The following NCALD variants were observed in gnomAD, a reference collection of about 807,000 sequenced individuals.
The protein encoded by NCALD is neurocalcin-delta.
NCALD carries 10 observed loss-of-function variants against 18.6 expected under a neutral mutation model. The ratio of observed to expected loss-of-function variants is 0.54; its 90% confidence interval spans 0.33 to 0.91. The LOEUF is 0.91. Among genes scored for constraint, NCALD ranks in the 40% least tolerant of loss-of-function variants. The pLI, the probability that NCALD is intolerant of heterozygous loss-of-function variation, is 0.03. For synonymous variants in NCALD, 88 were observed against 87.4 expected, an observed-to-expected ratio of 1.01 and a Z score of -0.04; for missense variants, 184 against 247.6, an observed-to-expected ratio of 0.74 and a Z score of 1.72.
At chr8:101,962,408 AAAGCC>A (rs1465304517) in intron 2 of NCALD, among the ~76,000 whole-genome samples, 15 of 152,210 alleles carry the variant, frequency 9.9e-5, no homozygotes, top group African/African-American at 3.1e-4. Context: ...TTGATTTGCT[AAAGCC>A]ATTCAAGCCA....
chr8:101,714,826 C>T (rs1434320015), intron 2 of NCALD, among the ~76,000 whole-genome samples: 1 of 150,584 alleles, frequency 6.6e-6, no homozygotes, highest in African/African-American at 2.5e-5. Flanking sequence ...GAAACCCCAT[C>T]TCTACTAAAA....
intron 4 of NCALD, among the ~76,000 whole-genome samples, chr8:101,832,935 C>A (rs189405749): frequency 6.6e-6 from 1 of 152,178 alleles, no homozygotes; most frequent in African/African-American, 2.4e-5. Flanking sequence ...TAGAAAAGTA[C>A]CCACAGTAGA....
At chr8:101,690,742 T>C (rs1814688393) in intron 3 of NCALD, 20 of 985,494 alleles carry the variant, frequency 2.0e-5, no homozygotes, top group Non-Finnish European at 2.0e-5. Context: ...CTCCAAGCTC[T>C]GTGTGCTGGC....
At chr8:101,777,031 C>A (rs554369144) in intron 1 of NCALD, among the ~76,000 whole-genome samples, 20 of 152,200 alleles carry the variant, frequency 1.3e-4, no homozygotes, top group Admixed American at 7.2e-4. Flanking sequence ...CAGTCTCCCC[C>A]CAAAAGACAT....
chr8:101,996,816 T>A (rs933817231), intron 2 of NCALD, among the ~76,000 whole-genome samples: 9 of 152,204 alleles, frequency 5.9e-5, no homozygotes, highest in African/African-American at 2.2e-4. Flanking sequence ...TGGAAAATAA[T>A]CCTGACACAG....
intron 1 of NCALD, among the ~76,000 whole-genome samples, chr8:102,061,453 C>G (rs921255529): frequency 3.9e-5 from 6 of 152,104 alleles, no homozygotes; most frequent in Non-Finnish European, 8.8e-5. Flanking sequence ...TTTCAAACCG[C>G]CTGCTGTTTG....
intron 4 of NCALD, among the ~76,000 whole-genome samples, chr8:101,830,942 A>C (rs1419174728): frequency 6.6e-6 from 1 of 152,006 alleles, no homozygotes; most frequent in African/African-American, 2.4e-5. Flanking sequence ...AGTGAAGGGC[A>C]ACATGAGACA....
At chr8:102,003,047 C>A (rs200478207) in intron 2 of NCALD, among the ~76,000 whole-genome samples, 44 of 151,674 alleles carry the variant, frequency 2.9e-4, no homozygotes, top group African/African-American at 9.7e-4. Context: ...CTGAAGGAAA[C>A]AGAGACACAA....
intron 2 of NCALD, among the ~76,000 whole-genome samples, chr8:102,010,051 A>T (rs1234773541): frequency 1.3e-5 from 2 of 152,196 alleles, no homozygotes; most frequent in Non-Finnish European, 2.9e-5. Flanking sequence ...TCCTGATAAG[A>T]TAAGTAAGCA....
At chr8:101,968,370 T>A (rs1301434158) in intron 2 of NCALD, among the ~76,000 whole-genome samples, 1 of 152,178 alleles carries the variant, frequency 6.6e-6, no homozygotes. Flanking sequence ...TTAAAGCAAC[T>A]TTTCCAGATC....
intron 2 of NCALD, among the ~76,000 whole-genome samples, chr8:101,981,758 T>C (rs1820626533): frequency 6.9e-6 from 1 of 144,708 alleles, no homozygotes; most frequent in Non-Finnish European, 1.5e-5. Context: ...TGAACATTTC[T>C]TTTTCTAAAC....
intron 4 of NCALD, among the ~76,000 whole-genome samples, chr8:101,802,899 C>A (rs370039877): frequency 2.7e-3 from 273 of 99,480 alleles, no homozygotes; most frequent in South Asian, 5.4e-3. Context: ...TGCTGCTGCT[C>A]AAAAAAAAAA....
intron 1 of NCALD, among the ~76,000 whole-genome samples, chr8:101,787,551 G>A (rs1040418329): frequency 6.6e-6 from 1 of 152,156 alleles, no homozygotes; most frequent in Non-Finnish European, 1.5e-5. Flanking sequence ...GCAAAGTTAC[G>A]CTGTTGGTTT....
At chr8:102,014,198 G>A (rs1822001558) in intron 2 of NCALD, among the ~76,000 whole-genome samples, 1 of 152,204 alleles carries the variant, frequency 6.6e-6, no homozygotes. Flanking sequence ...ATTGCTCACA[G>A]TTCTGGAGGC....
intron 4 of NCALD, among the ~76,000 whole-genome samples, chr8:101,848,830 A>T (rs1187043637): frequency 6.6e-6 from 1 of 152,144 alleles, no homozygotes; most frequent in African/African-American, 2.4e-5. Context: ...AGAATTTGGT[A>T]TCTGTTTGAC....
At chr8:101,966,600 T>A (rs992554161) in intron 2 of NCALD, among the ~76,000 whole-genome samples, 1 of 151,906 alleles carries the variant, frequency 6.6e-6, no homozygotes. Flanking sequence ...ACCTGCACAT[T>A]GTGCACATGT....
At chr8:101,772,061 A>G (rs1408813303) in intron 1 of NCALD, among the ~76,000 whole-genome samples, 1 of 152,198 alleles carries the variant, frequency 6.6e-6, no homozygotes. Context: ...AGAGAGTTCT[A>G]CACACCCCTG....
intron 1 of NCALD, among the ~76,000 whole-genome samples, chr8:101,781,476 G>T (rs1384992074): frequency 6.6e-6 from 1 of 152,300 alleles, no homozygotes. Context: ...TGGGGCAAAG[G>T]CCTCTCGACA....
At chr8:101,820,423 C>T (rs776974835) in intron 4 of NCALD, among the ~76,000 whole-genome samples, 51 of 151,732 alleles carry the variant, frequency 3.4e-4, no homozygotes, top group Non-Finnish European at 6.9e-4. Context: ...AATAAATAAA[C>T]GAGTAGATGA....
Sources: allele counts gnomAD v4.1 joint callset (sites outside exome capture counted in the v4.1 genomes callset), GRCh38; gene constraint gnomAD v4.1.1; transcripts MANE v1.5; gene names NCBI Gene and HGNC (gene_info 2026-07-23, HGNC 2026-07-21).